IL1RAPL2: variants seen among roughly 807,000 people sequenced by gnomAD.
IL1RAPL2 encodes the protein interleukin 1 receptor accessory protein like 2, also known as X-linked interleukin-1 receptor accessory protein-like 2.
IL1RAPL2 carries 3 observed loss-of-function variants against 44.1 expected under a neutral mutation model. That is an observed-to-expected ratio of 0.07 (90% CI 0.03 to 0.18). The LOEUF is 0.18. Ranked by LOEUF, IL1RAPL2 falls within the 10% of genes least tolerant of loss-of-function variation. The pLI, the probability that IL1RAPL2 is intolerant of heterozygous loss-of-function variation, is 1.00. For synonymous variants in IL1RAPL2, 181 were observed against 178.8 expected (o/e 1.01, Z -0.10); for missense variants, 391 against 496.4 (o/e 0.79, Z 2.02).
At chrX:105,690,367 TC>T (rs1372994448) in intron 6 of IL1RAPL2, among the ~76,000 whole-genome samples, 1 of 111,901 alleles carries the variant, frequency 8.9e-6, no homozygotes, top group Non-Finnish European at 1.9e-5. Context: ...GAATAATTAT[TC>T]TGTTTGATTA....
rs577664427 is a variant in IL1RAPL2, at chrX:104,624,588, A to G, written c.-19-34307A>G. ...GGGAGTATACATTGGTATTAGGTTT[A>G]TTGGAGAAAATAAGGCAATATTTTC... On this transcript the variant is annotated intron_variant, in intron 1 of 10. Coordinates refer to ENST00000372582, the MANE Select transcript of IL1RAPL2 (RefSeq NM_017416.2). 3.6e-5 allele frequency among the ~76,000 whole-genome samples: 4 copies of G among 111,913 alleles called. No individual in the cohort carries two copies. In the South Asian group the frequency reaches 1.5e-3, roughly 42 times the overall value.
intron 2 of IL1RAPL2, among the ~76,000 whole-genome samples, chrX:105,075,086 G>A (rs1715502246): frequency 9.0e-6 from 1 of 111,479 alleles, no homozygotes; most frequent in Admixed American, 9.6e-5. Context: ...ATGTTGAATA[G>A]GAGTGGTGAG....
intron 4 of IL1RAPL2, among the ~76,000 whole-genome samples, chrX:105,238,814 C>A (rs782421158): frequency 9.0e-6 from 1 of 111,096 alleles, no homozygotes; most frequent in East Asian, 2.9e-4. Flanking sequence ...GTTTCCAGGT[C>A]TCAGCAATTC....
rs542534890 is a variant in IL1RAPL2, at chrX:104,678,663, C to G, written c.82+19668C>G. Among the ~76,000 whole-genome samples the G allele has an allele frequency of 1.4e-3, 160 of 111,960 alleles. 1 individual carries two copies. The highest frequency in any genetic ancestry group is 4.8e-3 in the African/African-American group (148 of 30,822). ...TCATTCGCACATCCTCTGTGCTTCA[C>G]CTAACTACAACTTGGCCAAAGCTGT... On this transcript the variant is annotated intron_variant, in intron 2 of 10. Coordinates refer to ENST00000372582, the MANE Select transcript of IL1RAPL2 (RefSeq NM_017416.2).
intron 7 of IL1RAPL2, among the ~76,000 whole-genome samples, chrX:105,724,909 A>T (rs2038337836): frequency 9.0e-6 from 1 of 111,336 alleles, no homozygotes; most frequent in Non-Finnish European, 1.9e-5. Context: ...TCCTTTGGGG[A>T]TAATGATTCT....
In IL1RAPL2 at chrX:104,867,192, G is replaced by C. The variant is rs1330638403; in HGVS notation, c.82+208197G>C. On this transcript the variant is annotated intron_variant, in intron 2 of 10. Coordinates refer to ENST00000372582, the MANE Select transcript of IL1RAPL2 (RefSeq NM_017416.2). ...GCGGAGCTTGCAGTGAGCCGAGATA[G>C]CACCACTGCAGTCTGGCCTGGGCAA... Among the ~76,000 whole-genome samples, 3 of 92,407 alleles carry C rather than the reference G, an allele frequency of 3.2e-5. No individual in the cohort carries two copies. In the Admixed American group the frequency reaches 4.1e-4, roughly 12 times the overall value. The allele number at this position is 92,407 out of a possible 115,157, so 80.2% of individuals were successfully genotyped here.
In IL1RAPL2 at chrX:104,830,808, T is replaced by C. The variant is rs771176999; in HGVS notation, c.82+171813T>C. On this transcript the variant is annotated intron_variant, in intron 2 of 10. Transcript: ENST00000372582. ...GGAAAAATACATGTACAGATTCTTT[T>C]ATGTCCTGTTACAGTGTCACATGGC... 1.5e-4 allele frequency among the ~76,000 whole-genome samples: 17 copies of C among 112,408 alleles called. No individual in the cohort carries two copies. The South Asian group carries it at 5.8e-3, about 39-fold the overall frequency.
intron 2 of IL1RAPL2, among the ~76,000 whole-genome samples, chrX:104,827,008 C>G (rs892266067): frequency 1.1e-5 from 1 of 90,180 alleles, no homozygotes; most frequent in African/African-American, 4.3e-5. Flanking sequence ...TTATTTTGAG[C>G]CTATGTGTGT....
intron 1 of IL1RAPL2, among the ~76,000 whole-genome samples, chrX:104,646,976 C>G (rs977456070): frequency 8.9e-6 from 1 of 111,826 alleles, no homozygotes; most frequent in Non-Finnish European, 1.9e-5. Context: ...TACCCTTCAA[C>G]CTTAGACTTT....
At chrX:105,289,800 C>T (rs963709418) in intron 5 of IL1RAPL2, among the ~76,000 whole-genome samples, 4 of 110,839 alleles carry the variant, frequency 3.6e-5, no homozygotes, top group Non-Finnish European at 3.8e-5. Flanking sequence ...AATATGGGAG[C>T]GAACAGCATG....
intron 2 of IL1RAPL2, among the ~76,000 whole-genome samples, chrX:104,998,466 T>G (rs750317178): frequency 9.0e-6 from 1 of 111,405 alleles, no homozygotes; most frequent in South Asian, 3.9e-4. Flanking sequence ...TTTTCCTGTG[T>G]GTTTGTTTTA....
chrX:104,736,120 C>A (rs1361132145), intron 2 of IL1RAPL2, among the ~76,000 whole-genome samples: 1 of 111,585 alleles, frequency 9.0e-6, no homozygotes, highest in Non-Finnish European at 1.9e-5. Context: ...CTAAACCCTG[C>A]AACACTCAAT....
chrX:105,646,220 A>G (rs980537991), intron 6 of IL1RAPL2, among the ~76,000 whole-genome samples: 1 of 111,515 alleles, frequency 9.0e-6, no homozygotes, highest in Non-Finnish European at 1.9e-5. Context: ...GTGTGTGTGC[A>G]TATGTGTGTC....
At chrX:105,152,333 G>A (rs757313505) in intron 2 of IL1RAPL2, among the ~76,000 whole-genome samples, 1 of 111,856 alleles carries the variant, frequency 8.9e-6, no homozygotes, top group South Asian at 3.7e-4. Flanking sequence ...TGCACTGAAT[G>A]TGCTCTATGG....
At chrX:105,604,270 G>GA (rs998775728) in intron 6 of IL1RAPL2, among the ~76,000 whole-genome samples, 3 of 110,174 alleles carry the variant, frequency 2.7e-5, no homozygotes, top group Non-Finnish European at 3.8e-5. Flanking sequence ...GCTAGACTAA[G>GA]AAAAAAAGAG....
chrX:105,600,520 T>G (rs763745623), intron 6 of IL1RAPL2, among the ~76,000 whole-genome samples: 1 of 108,920 alleles, frequency 9.2e-6, no homozygotes, highest in East Asian at 2.8e-4. Context: ...GAGTATTTAA[T>G]AATTTAATTA....
At chrX:105,536,647 T>TGTCAAACATTTACCAGCACA (rs2036679661) in intron 6 of IL1RAPL2, among the ~76,000 whole-genome samples, 1 of 111,252 alleles carries the variant, frequency 9.0e-6, no homozygotes, top group African/African-American at 3.3e-5. Context: ...CACAACATAG[T>TGTCAAACATTTACCAGCACA]ACATTTTTAA....
intron 2 of IL1RAPL2, among the ~76,000 whole-genome samples, chrX:104,902,426 G>A (rs1028645664): frequency 3.6e-5 from 4 of 111,850 alleles, no homozygotes; most frequent in African/African-American, 1.3e-4. Flanking sequence ...CAGATTGAAC[G>A]AGCCCTCATC....
At chrX:104,668,600 TA>T (rs968071352) in intron 2 of IL1RAPL2, among the ~76,000 whole-genome samples, 11 of 107,907 alleles carry the variant, frequency 1.0e-4, no homozygotes, top group East Asian at 2.9e-4. Flanking sequence ...GTTTTGAATT[TA>T]AAAAAAACTG....
Sources: gnomAD v4.1 joint callset for allele counts (sites outside exome capture counted in the v4.1 genomes callset) on GRCh38, gnomAD v4.1.1 for gene constraint, MANE v1.5 for transcripts, NCBI Gene and HGNC (gene_info 2026-07-23, HGNC 2026-07-21) for gene names.